Variants in DRC3 observed in about 807,000 individuals in gnomAD.
DRC3 encodes the protein leucine rich repeat containing 48.
A neutral mutation model predicts 57.6 loss-of-function variants in DRC3; 45 were observed. That is an observed-to-expected ratio of 0.78 (90% CI 0.62 to 1.00). DRC3 has a LOEUF of 1.00. DRC3 is among the 50% of genes least tolerant of loss of function. The pLI, the probability that DRC3 is intolerant of heterozygous loss-of-function variation, is 0.00. For missense variants in DRC3, 655 were observed against 675.2 expected (o/e 0.97, Z 0.33); for synonymous variants, 257 against 272.3 (o/e 0.94, Z 0.55).
In DRC3 at chr17:17,997,495, T is replaced by C; in HGVS notation, c.860T>C (p.Ile287Thr). The C allele has an allele frequency of 6.2e-7, 1 of 1,613,382 alleles. No homozygotes were observed. Among genetic ancestry groups the C allele is most frequent in the South Asian group, 1.1e-5 (1 of 90,912 alleles). The stretch of plus-strand genomic sequence containing the variant: ...AAGTTTGTCATCATCTGCGTGAATA[T>C]TTTTGAGTATGGCCTGAAACAGCAG... The part of the protein sequence containing the change: ...KDKFVIICVN[I>T]FEYGLKQQEK... The change falls in exon 9 of 14, where the codon ATT becomes ACT. Residue 287 changes from isoleucine to threonine, a missense_variant. Coordinates refer to ENST00000399187, the MANE Select transcript of DRC3 (RefSeq NM_031294.4).
intron 12 of DRC3, chr17:18,010,836 G>T: frequency 2.7e-6 from 1 of 363,774 alleles, no homozygotes; most frequent in Non-Finnish European, 5.4e-6. Context: ...GCCTGGTCAA[G>T]GACATGAAGA....
intron 4 of DRC3, among the ~76,000 whole-genome samples, chr17:17,985,550 A>G (rs1228879164): frequency 1.3e-5 from 2 of 152,188 alleles, no homozygotes; most frequent in Non-Finnish European, 2.9e-5. Flanking sequence ...ACGACCTCCC[A>G]CACTGACATG....
At chr17:17,994,828 A>C (rs996610921) in intron 7 of DRC3, among the ~76,000 whole-genome samples, 171 bp from the exon 8 acceptor site, 1 of 152,164 alleles carries the variant, frequency 6.6e-6, no homozygotes, top group Non-Finnish European at 1.5e-5. Flanking sequence ...AGACTGAGAA[A>C]TGTATAACAT....
At chr17:18,010,858 G>A in intron 12 of DRC3, 1 of 366,486 alleles carries the variant, frequency 2.7e-6, no homozygotes, top group Non-Finnish European at 5.4e-6. Context: ...CAAGTCCCTG[G>A]AAGAGATCTA....
At chr17:17,992,475 C>T (rs375667914) in intron 5 of DRC3, among the ~76,000 whole-genome samples, 10 of 152,118 alleles carry the variant, frequency 6.6e-5, no homozygotes, top group East Asian at 3.9e-4. Context: ...CAGATGTGGA[C>T]GTTGAAGCTC....
intron 2 of DRC3, 147 bp from the exon 3 acceptor site, chr17:17,977,435 C>G (rs2042439394): frequency 1.1e-6 from 1 of 923,846 alleles, no homozygotes; most frequent in Non-Finnish European, 1.6e-6. Context: ...TATACAAACC[C>G]CGAGATGCAG....
chr17:17,977,436 C>T (rs557283686), intron 2 of DRC3, 146 bp from the exon 3 acceptor site: 5 of 927,406 alleles, frequency 5.4e-6, no homozygotes, highest in East Asian at 2.6e-5. Flanking sequence ...ATACAAACCC[C>T]GAGATGCAGC....
At chr17:18,007,493 G>GTCT (rs1352012666) in intron 12 of DRC3, 7 of 1,550,476 alleles carry the variant, frequency 4.5e-6, no homozygotes, top group Non-Finnish European at 6.1e-6. Flanking sequence ...TCCCCTGGAG[G>GTCT]TCTTCTTAAC....
chr17:18,016,162 A>G lies in DRC3; in HGVS notation c.1425A>G (p.Arg475=). 6.2e-7 allele frequency: 1 copy of G among 1,614,018 alleles called. No homozygotes were observed. Among genetic ancestry groups the G allele is most frequent in the South Asian group, 1.1e-5 (1 of 91,084 alleles). The change falls in exon 13 of 14, where the codon AGA becomes AGG. Residue 475 remains arginine, a synonymous_variant. Coordinates refer to ENST00000399187, the MANE Select transcript of DRC3 (RefSeq NM_031294.4). ...ATCGAGAAGATGAGCTGGTGACCAG[A>G]ATCAACTCTTGGTGTACACGTTTAA... ...IDNREDELVT[R]INSWCTRLID...
chr17:18,007,270 G>A, intron 12 of DRC3, 123 bp downstream of exon 12: 4 of 1,019,580 alleles, frequency 3.9e-6, no homozygotes, highest in Non-Finnish European at 5.9e-6. Context: ...TCTGCAAAAG[G>A]GCACACTAAC....
At chr17:18,001,921 C>A (rs2043749829) in intron 9 of DRC3, among the ~76,000 whole-genome samples, 1 of 152,112 alleles carries the variant, frequency 6.6e-6, no homozygotes, top group South Asian at 2.1e-4. Context: ...AATCCCAGCA[C>A]TTTGGGAGAC....
intron 2 of DRC3, among the ~76,000 whole-genome samples, chr17:17,974,464 C>T (rs1276723837): frequency 6.6e-6 from 1 of 152,172 alleles, no homozygotes; most frequent in African/African-American, 2.4e-5. Flanking sequence ...CTCCGCCTCC[C>T]GGTTTCAAGC....
intron 5 of DRC3, among the ~76,000 whole-genome samples, chr17:17,992,288 A>C (rs752507063): frequency 1.3e-4 from 20 of 152,228 alleles, no homozygotes; most frequent in Non-Finnish European, 2.4e-4. Context: ...AAATAAAATT[A>C]AGTTAAATTT....
At chr17:17,980,286 T>G (rs2042602748) in intron 3 of DRC3, among the ~76,000 whole-genome samples, 1 of 104,042 alleles carries the variant, frequency 9.6e-6, no homozygotes, top group South Asian at 4.3e-4. Context: ...ATTGTTGTTG[T>G]TTTTTTTTTT....
At chr17:17,996,477 G>A (rs2043462664) in intron 8 of DRC3, among the ~76,000 whole-genome samples, 1 of 152,162 alleles carries the variant, frequency 6.6e-6, no homozygotes, top group Non-Finnish European at 1.5e-5. Context: ...GATCTCATGA[G>A]ACTCATTCAC....
chr17:18,004,327 G>C (rs2043865063), intron 9 of DRC3, 36 bp from the exon 10 acceptor site: 2 of 1,576,510 alleles, frequency 1.3e-6, no homozygotes, highest in Admixed American at 3.7e-5. Flanking sequence ...ATTACACTTA[G>C]TTGTTGATTC....
At position 18,013,192 on chromosome 17, in the gene DRC3, C is replaced by T. The variant is rs541661864; in HGVS notation, c.1327-2872C>T. The stretch of plus-strand genomic sequence containing the variant: ...ATGCAAAGAAAAAGGAACTCATATA[C>T]TGTAAGTAAGAATGTAAACTAGGAC... On this transcript the variant is annotated intron_variant, in intron 12 of 13. Coordinates refer to ENST00000399187, the MANE Select transcript of DRC3 (RefSeq NM_031294.4). Among the ~76,000 whole-genome samples the T allele has an allele frequency of 5.3e-5, 8 of 152,254 alleles. No individual in the cohort carries two copies. The East Asian group carries it at 1.5e-3, about 29-fold the overall frequency.
In DRC3 at chr17:17,977,640, C is replaced by T. The variant is rs1349503843; in HGVS notation, c.42C>T (p.Asp14=). ...PCNSMEPRVM[D]DDMLKLAVGD... is the part of the protein sequence containing the mutation. ...ACTCGATGGAGCCGAGGGTGATGGACGATGACATGCTCAAGCTGGCCGTCG... is the reference window on the plus strand; with the variant it reads ...ACTCGATGGAGCCGAGGGTGATGGATGATGACATGCTCAAGCTGGCCGTCG... Residue 14 remains aspartate (D), a synonymous_variant, in exon 3 of 14, where the codon GAC becomes GAT. Coordinates refer to ENST00000399187, the MANE Select transcript of DRC3 (RefSeq NM_031294.4). The T allele has an allele frequency of 1.3e-5, 21 of 1,613,820 alleles. No individual in the cohort carries two copies. Among genetic ancestry groups the T allele is most frequent in the Non-Finnish European group, 1.5e-5 (18 of 1,179,890 alleles).
At chr17:17,990,240 C>T (rs1157179401) in intron 5 of DRC3, among the ~76,000 whole-genome samples, 1 of 152,176 alleles carries the variant, frequency 6.6e-6, no homozygotes, top group Non-Finnish European at 1.5e-5. Flanking sequence ...CATGAACAGC[C>T]TGGGGTGGGA....
Sources: allele counts gnomAD v4.1 joint callset (sites outside exome capture counted in the v4.1 genomes callset), GRCh38; gene constraint gnomAD v4.1.1; transcripts MANE v1.5; gene names NCBI Gene and HGNC (gene_info 2026-07-23, HGNC 2026-07-21).